The following GBF1 variants were observed in gnomAD, a reference collection of about 807,000 sequenced individuals.
GBF1 encodes the protein golgi brefeldin A resistant guanine nucleotide exchange factor 1.
Under a neutral mutation model 210.5 loss-of-function variants are expected in GBF1, and 114 were observed. The ratio of observed to expected loss-of-function variants is 0.54; its 90% CI spans 0.47 to 0.63. The LOEUF (loss-of-function observed/expected upper bound fraction) is 0.63, where lower values mean the gene tolerates loss of function less well. Ranked by LOEUF, GBF1 falls within the 30% of genes least tolerant of loss-of-function variation. The pLI, the probability that GBF1 is intolerant of heterozygous loss-of-function variation, is 0.00. For missense variants in GBF1, 1,851 were observed against 2,357.7 expected, an observed-to-expected ratio of 0.79 and a Z score of 4.45; for synonymous variants, 850 against 889.2, an observed-to-expected ratio of 0.96 and a Z score of 0.78.
chr10:102,242,526 A>T (rs954397197), upstream of GBF1, among the ~76,000 whole-genome samples: 2 of 152,200 alleles, frequency 1.3e-5, no homozygotes, highest in Non-Finnish European at 2.9e-5. Context: ...TGACCAAGGA[A>T]CATCCTGGCA....
intron 1 of GBF1, among the ~76,000 whole-genome samples, chr10:102,257,501 A>C: frequency 6.6e-6 from 1 of 151,698 alleles, no homozygotes; most frequent in East Asian, 2.0e-4. Flanking sequence ...TTTTTGGTAG[A>C]GACTGGGTCT....
intron 29 of GBF1, among the ~76,000 whole-genome samples, chr10:102,371,469 G>A (rs1216345167): frequency 6.6e-6 from 1 of 152,110 alleles, no homozygotes; most frequent in African/African-American, 2.4e-5. Flanking sequence ...GGATTGGAAG[G>A]CTCAACATAG....
chr10:102,363,489 G>A lies in GBF1; in HGVS notation c.2017+93G>A. ...AGCAGACACCTAGGATAGTAACTAAGCAAGCCTTGGTAGCCCGCCTCGCCT... is the reference window on the plus strand; with the variant it reads ...AGCAGACACCTAGGATAGTAACTAAACAAGCCTTGGTAGCCCGCCTCGCCT... On this transcript the variant is annotated intron_variant, in intron 16 of 39. Coordinates refer to ENST00000369983, the MANE Select transcript of GBF1 (RefSeq NM_001377137.1). The surrounding 1 kb of genome is among the most constrained non-coding windows in gnomAD (Gnocchi z 4.2). 2 of 1,252,398 alleles carry A rather than the reference G, an allele frequency of 1.6e-6. No individual in the cohort carries two copies. The highest frequency in any genetic ancestry group is 4.2e-5 in the Admixed American group (2 of 47,092). 77.6% of individuals were successfully genotyped at this position (1,252,398 alleles called of 1,614,324 possible).
At chr10:102,347,437 C>T (rs1329381661) in intron 4 of GBF1, among the ~76,000 whole-genome samples, 1 of 152,184 alleles carries the variant, frequency 6.6e-6, no homozygotes, top group Non-Finnish European at 1.5e-5. Flanking sequence ...TCACAGCCTC[C>T]AGTGGCTGCC....
At chr10:102,276,462 G>C (rs1362812334) in intron 3 of GBF1, among the ~76,000 whole-genome samples, 1 of 148,208 alleles carries the variant, frequency 6.7e-6, no homozygotes, top group Non-Finnish European at 1.5e-5. Context: ...GGAGGTGGAG[G>C]TTGCAGTGAG....
At chr10:102,255,604 C>A (rs193091023) in intron 1 of GBF1, among the ~76,000 whole-genome samples, 74 of 152,340 alleles carry the variant, frequency 4.9e-4, no homozygotes, top group African/African-American at 1.7e-3. Context: ...AACCTCTTAG[C>A]ATTTTCTTAC....
upstream of GBF1, among the ~76,000 whole-genome samples, chr10:102,245,236 C>T (rs1437528870): frequency 6.6e-6 from 1 of 152,160 alleles, no homozygotes; most frequent in Admixed American, 6.5e-5. Context: ...ACTGCCAAAC[C>T]GCGCACTGCA....
the GBF1 span, among the ~76,000 whole-genome samples, chr10:102,238,262 G>A: frequency 6.6e-6 from 1 of 152,182 alleles, no homozygotes; most frequent in Non-Finnish European, 1.5e-5. Context: ...AGTCTAGGAG[G>A]CATCATTTAG....
chr10:102,351,129 G>T, intron 4 of GBF1, 127 bp from the exon 5 acceptor site: 1 of 565,706 alleles, frequency 1.8e-6, no homozygotes, highest in South Asian at 2.3e-5. Context: ...AAATTCTCAG[G>T]TAGCTCAAGG....
chr10:102,373,151 C>T (rs2060302613), intron 29 of GBF1, among the ~76,000 whole-genome samples: 1 of 152,194 alleles, frequency 6.6e-6, no homozygotes, highest in African/African-American at 2.4e-5. Flanking sequence ...ACTCTCAAAA[C>T]ACAACAGTGA....
At chr10:102,321,253 A>G (rs2056362800) in intron 3 of GBF1, among the ~76,000 whole-genome samples, 1 of 152,214 alleles carries the variant, frequency 6.6e-6, no homozygotes, top group Non-Finnish European at 1.5e-5. Flanking sequence ...CTCCATGAGG[A>G]CAAGGATTGT....
chr10:102,266,877 GTTTA>G (rs1403349698), intron 3 of GBF1, among the ~76,000 whole-genome samples: 1 of 152,190 alleles, frequency 6.6e-6, no homozygotes, highest in Non-Finnish European at 1.5e-5. Context: ...TGTGTCAGGA[GTTTA>G]TTTAAGTATA....
At chr10:102,345,402 C>G (rs932839848) in intron 4 of GBF1, among the ~76,000 whole-genome samples, 2 of 150,892 alleles carry the variant, frequency 1.3e-5, no homozygotes, top group African/African-American at 4.9e-5. Context: ...CCTGTAATCC[C>G]AGCACTTTTT....
the GBF1 span, among the ~76,000 whole-genome samples, chr10:102,233,215 TA>T: frequency 2.0e-5 from 3 of 152,032 alleles, no homozygotes; most frequent in African/African-American, 7.2e-5. Context: ...GCTGCGGTTC[TA>T]GCCTGGCCTT....
intron 3 of GBF1, among the ~76,000 whole-genome samples, chr10:102,330,675 A>G (rs1226304428): frequency 6.6e-6 from 1 of 152,014 alleles, no homozygotes; most frequent in Non-Finnish European, 1.5e-5. Flanking sequence ...AACAAGAGCA[A>G]AATTCCATCT....
chr10:102,321,085 G>A lies in GBF1; in HGVS notation c.164-22966G>A, dbSNP rs117000969. Among the ~76,000 whole-genome samples, 825 of 152,046 alleles carry A rather than the reference G, an allele frequency of 5.4e-3. 29 individuals are homozygous for A. The highest frequency in any genetic ancestry group is 0.04 in the Admixed American group (603 of 15,256). On this transcript the variant is annotated intron_variant, in intron 3 of 39. Coordinates refer to ENST00000369983, the MANE Select transcript of GBF1 (RefSeq NM_001377137.1). Reference sequence around the variant, plus strand: ...TGCTGGGATTACAGGCATAAGCCACGGTGCCCAGCCTATATTTAATTCTTA... The same window carrying A: ...TGCTGGGATTACAGGCATAAGCCACAGTGCCCAGCCTATATTTAATTCTTA...
chr10:102,263,443 A>G (rs2073472755), intron 3 of GBF1, among the ~76,000 whole-genome samples: 1 of 151,974 alleles, frequency 6.6e-6, no homozygotes, highest in South Asian at 2.1e-4. Context: ...CTTTTTTGCA[A>G]AGGGTTTCTG....
At chr10:102,276,329 AT>A (rs1263615317) in intron 3 of GBF1, among the ~76,000 whole-genome samples, 1 of 152,004 alleles carries the variant, frequency 6.6e-6, no homozygotes, top group Non-Finnish European at 1.5e-5. Context: ...GATCGAGACC[AT>A]CCTGGCTAAC....
At chr10:102,305,234 AGTGAAATAATATTAAGAG>A (rs1405003654) in intron 3 of GBF1, among the ~76,000 whole-genome samples, 4 of 150,228 alleles carry the variant, frequency 2.7e-5, no homozygotes, top group Non-Finnish European at 4.4e-5. Flanking sequence ...TGATCACCTC[AGTGAAATAATATTAAGAG>A]GTGAAATAAT....
Sources: gnomAD v4.1 joint callset for allele counts (sites outside exome capture counted in the v4.1 genomes callset) on GRCh38, gnomAD v4.1.1 for gene constraint, Gnocchi (gnomAD v3.1) non-coding constraint, MANE v1.5 for transcripts, NCBI Gene and HGNC (gene_info 2026-07-23, HGNC 2026-07-21) for gene names.